Variants in PRKAR2A observed in about 807,000 individuals in gnomAD.
PRKAR2A encodes protein kinase cAMP-dependent type II regulatory subunit alpha, also known as cAMP-dependent protein kinase type II-alpha regulatory subunit.
Under a neutral mutation model 51.9 loss-of-function variants are expected in PRKAR2A, and 29 were observed. That is an observed-to-expected ratio of 0.56 (90% CI 0.42 to 0.76). The LOEUF (loss-of-function observed/expected upper bound fraction) is 0.76. PRKAR2A is among the 30% of genes least tolerant of loss of function. The pLI, the probability that PRKAR2A is intolerant of heterozygous loss-of-function variation, is 0.00. For missense variants in PRKAR2A, 445 were observed against 512.1 expected, an observed-to-expected ratio of 0.87 and a Z score of 1.26; for synonymous variants, 178 against 186.2, an observed-to-expected ratio of 0.96 and a Z score of 0.36.
intron 5 of PRKAR2A, among the ~76,000 whole-genome samples, chr3:48,782,655 C>G (rs1298068979): frequency 6.6e-6 from 1 of 152,178 alleles, no homozygotes; most frequent in Non-Finnish European, 1.5e-5. Context: ...GGGGTTTCAC[C>G]ATACTGGCCA....
chr3:48,745,527 G>GTT (rs34668049), downstream of PRKAR2A, among the ~76,000 whole-genome samples: 672 of 70,328 alleles, frequency 9.6e-3, no homozygotes, highest in African/African-American at 0.015. Flanking sequence ...TTTGGATAAG[G>GTT]TTTTTTTTTT....
intron 6 of PRKAR2A, among the ~76,000 whole-genome samples, chr3:48,770,196 G>T (rs2082008980): frequency 6.6e-6 from 1 of 152,182 alleles, no homozygotes; most frequent in Admixed American, 6.6e-5. Flanking sequence ...CATAGCCTTT[G>T]ATGAGCATCC....
chr3:48,835,432 C>G (rs2083266335), intron 1 of PRKAR2A, among the ~76,000 whole-genome samples: 1 of 151,818 alleles, frequency 6.6e-6, no homozygotes, highest in South Asian at 2.1e-4. Context: ...ATGAGGTCAG[C>G]AGATCGAGGC....
Position 48,773,339 on chromosome 3 carries a change from CTTTTTTTTTTT to C in PRKAR2A, c.543-242_543-232del, listed in dbSNP as rs34140561. Among the ~76,000 whole-genome samples, 17 of 87,656 alleles carry C rather than the reference CTTTTTTTTTTT, an allele frequency of 1.9e-4. No individual in the cohort carries two copies. The South Asian group carries it at 6.9e-3, about 35-fold the overall frequency. 57.5% of individuals were successfully genotyped at this position (87,656 alleles called of 152,430 possible). A position where few individuals can be genotyped will look rare whatever the true frequency, so the allele number is the denominator to read the frequency against. On this transcript the variant is annotated intron_variant, in intron 5 of 10. Transcript: ENST00000265563. ...TGTGGCATTCTTGGAATTTTCTTTTCTTTTTTTTTTTTTTTTTTTTTTGAGACGGAGTCTCG... is the reference window on the plus strand; with the variant it reads ...TGTGGCATTCTTGGAATTTTCTTTTCTTTTTTTTTTTGAGACGGAGTCTCG...
At chr3:48,824,102 G>A (rs968601144) in intron 1 of PRKAR2A, among the ~76,000 whole-genome samples, 2 of 152,118 alleles carry the variant, frequency 1.3e-5, no homozygotes, top group Non-Finnish European at 2.9e-5. Context: ...TTAGCCAGGC[G>A]TGGTGGCAGG....
At chr3:48,779,739 C>G (rs1166453322) in intron 5 of PRKAR2A, among the ~76,000 whole-genome samples, 1 of 149,994 alleles carries the variant, frequency 6.7e-6, no homozygotes, top group Non-Finnish European at 1.5e-5. Flanking sequence ...AGGATTGCAC[C>G]ACTACACTCC....
At position 48,751,699 on chromosome 3, in the gene PRKAR2A, G is replaced by A. The variant is rs150452598; in HGVS notation, c.1101C>T (p.Phe367=). The A allele has an allele frequency of 2.4e-4, 390 of 1,613,264 alleles. No individual in the cohort carries two copies. In the African/African-American group the frequency reaches 4.2e-3, roughly 17 times the overall value. ...CCATGCAGGGCCCCAGAAGCCTCTC[G>A]AATGCTTGTACATCCATAACTGCAT... ...VKCLVMDVQA[F]ERLLGPCMDI... Residue 367 remains phenylalanine (F), a synonymous_variant, in exon 11 of 11, where the codon TTC becomes TTT. Transcript: ENST00000265563.
intron 1 of PRKAR2A, among the ~76,000 whole-genome samples, chr3:48,824,505 A>C (rs954679441): frequency 1.3e-5 from 2 of 151,686 alleles, no homozygotes; most frequent in Admixed American, 6.6e-5. Context: ...GTGACATGAA[A>C]TTTACACATG....
Position 48,765,424 on chromosome 3 carries a change from G to A in PRKAR2A, c.697-75C>T, listed in dbSNP as rs997179936. ...TCTATGGTTTAATTAACTGGCCAAA[G>A]CAAATATTAGAGGAATATGTAAGTT... On this transcript the variant is annotated intron_variant, in intron 6 of 10. Coordinates refer to ENST00000265563, the MANE Select transcript of PRKAR2A (RefSeq NM_004157.4). 1.7e-5 allele frequency: 16 copies of A among 957,836 alleles called. No individual in the cohort carries two copies. The African/African-American group carries it at 2.2e-4, about 13-fold the overall frequency. 59.3% of individuals were successfully genotyped at this position (957,836 alleles called of 1,614,324 possible).
chr3:48,814,065 T>TG (rs1182964803), intron 1 of PRKAR2A, among the ~76,000 whole-genome samples: 1 of 151,974 alleles, frequency 6.6e-6, no homozygotes, highest in Admixed American at 6.6e-5. Flanking sequence ...CTGGCCAACA[T>TG]GGTGAAACCC....
At chr3:48,778,799 T>A (rs1417710035) in intron 5 of PRKAR2A, among the ~76,000 whole-genome samples, 1 of 150,032 alleles carries the variant, frequency 6.7e-6, no homozygotes, top group Non-Finnish European at 1.5e-5. Flanking sequence ...ATTACAGGCG[T>A]GAGCCACGGT....
intron 1 of PRKAR2A, among the ~76,000 whole-genome samples, chr3:48,816,514 T>C (rs918228699): frequency 1.6e-4 from 25 of 152,048 alleles, no homozygotes; most frequent in Admixed American, 1.4e-3. Flanking sequence ...GGCGCGTGAC[T>C]GTAGTCCCAG....
intron 6 of PRKAR2A, among the ~76,000 whole-genome samples, chr3:48,772,469 A>G (rs2082042717): frequency 6.6e-6 from 1 of 152,100 alleles, no homozygotes; most frequent in Non-Finnish European, 1.5e-5. Context: ...GGCCTCCCCA[A>G]GTGCTGGGAT....
At chr3:48,789,490 A>ATT (rs1210177675) in intron 4 of PRKAR2A, among the ~76,000 whole-genome samples, 27 of 130,876 alleles carry the variant, frequency 2.1e-4, no homozygotes, top group East Asian at 4.4e-4. Context: ...TTCTTATTCT[A>ATT]TTTTTTTTTT....
intron 1 of PRKAR2A, among the ~76,000 whole-genome samples, chr3:48,839,413 A>T (rs1467154266): frequency 6.6e-6 from 1 of 151,994 alleles, no homozygotes; most frequent in Non-Finnish European, 1.5e-5. Flanking sequence ...AAAAAAAAAA[A>T]AAAAATGCTG....
At chr3:48,784,392 G>A (rs1042838227) in intron 4 of PRKAR2A, among the ~76,000 whole-genome samples, 7 of 152,154 alleles carry the variant, frequency 4.6e-5, no homozygotes, top group African/African-American at 1.7e-4. Flanking sequence ...GTTGAATACT[G>A]TATAAGCTAA....
intron 2 of PRKAR2A, among the ~76,000 whole-genome samples, chr3:48,794,406 T>C (rs1213139714): frequency 6.6e-6 from 1 of 151,690 alleles, no homozygotes; most frequent in Non-Finnish European, 1.5e-5. Context: ...CTGATGTATA[T>C]CCACCTGATG....
chr3:48,765,263 G>A lies in PRKAR2A; in HGVS notation c.783C>T (p.Leu261=). The part of the protein sequence containing the change: ...MFESFIESVP[L]LKSLEVSERM... ...GCCACTTTACCTCTAGTGATTTAAG[G>A]AGGGGCACAGACTCAATAAATGATT... The change falls in exon 7 of 11, where the codon CTC becomes CTT. Residue 261 remains leucine (L), a synonymous_variant. Coordinates refer to ENST00000265563, the MANE Select transcript of PRKAR2A (RefSeq NM_004157.4). 1 of 1,609,304 alleles carries A rather than the reference G, an allele frequency of 6.2e-7. No homozygotes were observed. The highest frequency in any genetic ancestry group is 1.3e-5 in the African/African-American group (1 of 74,890).
chr3:48,763,261 G>A (rs1420754184), intron 8 of PRKAR2A, among the ~76,000 whole-genome samples: 4 of 152,060 alleles, frequency 2.6e-5, no homozygotes, highest in Non-Finnish European at 4.4e-5. Context: ...ACCTCACTTT[G>A]AGAAGCCTTG....
Sources: allele counts gnomAD v4.1 joint callset (sites outside exome capture counted in the v4.1 genomes callset), GRCh38; gene constraint gnomAD v4.1.1; transcripts MANE v1.5; gene names NCBI Gene and HGNC (gene_info 2026-07-23, HGNC 2026-07-21).